ATP9B: variants seen among roughly 807,000 people sequenced by gnomAD.
ATP9B encodes ATPase phospholipid transporting 9B.
ATP9B carries 110 observed loss-of-function variants against 146.1 expected under a neutral mutation model. The observed-to-expected ratio is 0.75, with a 90% confidence interval of 0.65 to 0.88. The LOEUF (loss-of-function observed/expected upper bound fraction) is 0.88, where lower values mean the gene tolerates loss of function less well. ATP9B is among the 40% of genes least tolerant of loss of function. ATP9B has a pLI of 0.00. For missense variants in ATP9B, 1,499 were observed against 1,496.4 expected, an observed-to-expected ratio of 1.00 and a Z score of -0.03; for synonymous variants, 604 against 569.7, an observed-to-expected ratio of 1.06 and a Z score of -0.86.
intron 11 of ATP9B, among the ~76,000 whole-genome samples, chr18:79,226,438 G>A (rs2095735086): frequency 6.6e-6 from 1 of 152,226 alleles, no homozygotes; most frequent in South Asian, 2.1e-4. Context: ...AAAATGTGCA[G>A]GTAGATGTCG....
chr18:79,285,230 C>T (rs1002303836), intron 13 of ATP9B, among the ~76,000 whole-genome samples: 3 of 151,506 alleles, frequency 2.0e-5, no homozygotes, highest in Non-Finnish European at 4.4e-5. Flanking sequence ...AGTTTACAGT[C>T]CCACCAACAG....
At chr18:79,221,382 C>G (rs554015681) in intron 11 of ATP9B, among the ~76,000 whole-genome samples, 11 of 152,294 alleles carry the variant, frequency 7.2e-5, no homozygotes, top group African/African-American at 2.6e-4. Flanking sequence ...AGGACTTGCC[C>G]CATCTCAGCT....
At chr18:79,316,372 CCTG>C (rs2096680125) in intron 15 of ATP9B, among the ~76,000 whole-genome samples, 2 of 152,210 alleles carry the variant, frequency 1.3e-5, no homozygotes, top group Admixed American at 1.3e-4. Flanking sequence ...CCACGTGTCA[CCTG>C]CTGCTGTGGA....
chr18:79,312,106 G>A (rs1187081102), intron 15 of ATP9B, among the ~76,000 whole-genome samples: 1 of 152,096 alleles, frequency 6.6e-6, no homozygotes, highest in Non-Finnish European at 1.5e-5. Flanking sequence ...ACGCGCCTTC[G>A]CCGAGGTGCC....
chr18:79,377,189 A>C (rs1051723930), intron 29 of ATP9B, 58 bp from the exon 30 acceptor site: 1 of 1,599,590 alleles, frequency 6.3e-7, no homozygotes, highest in Non-Finnish European at 8.5e-7. Flanking sequence ...GGCTGTGGCC[A>C]TGAGGGCCCA....
At chr18:79,132,646 T>G (rs1474421892) in intron 5 of ATP9B, among the ~76,000 whole-genome samples, 2 of 152,206 alleles carry the variant, frequency 1.3e-5, no homozygotes, top group African/African-American at 2.4e-5. Flanking sequence ...AGTTTAAAAT[T>G]TACTTTTTTA....
intron 1 of ATP9B, among the ~76,000 whole-genome samples, chr18:79,091,780 C>T (rs767757037): frequency 2.0e-5 from 3 of 152,206 alleles, no homozygotes; most frequent in East Asian, 1.9e-4. Flanking sequence ...TTCTCTTGTC[C>T]GATAGCTCTA....
chr18:79,362,864 A>C (rs2096998421), intron 26 of ATP9B: 1 of 152,218 alleles, frequency 6.6e-6, no homozygotes, highest in Non-Finnish European at 1.5e-5. Context: ...TCTTCATGAA[A>C]TCTCTGGTGC....
At chr18:79,209,413 A>G (rs551639285) in intron 10 of ATP9B, 6 of 152,334 alleles carry the variant, frequency 3.9e-5, no homozygotes, top group Admixed American at 2.0e-4. Flanking sequence ...ATAAACATAT[A>G]TTAAATGTTG....
intron 9 of ATP9B, among the ~76,000 whole-genome samples, chr18:79,199,515 A>G (rs1283178340): frequency 6.6e-6 from 1 of 151,214 alleles, no homozygotes; most frequent in African/African-American, 2.4e-5. Flanking sequence ...TAATCCCAGC[A>G]ATTTGGGAGG....
chr18:79,128,888 T>A (rs1395185470), intron 5 of ATP9B, among the ~76,000 whole-genome samples: 1 of 152,152 alleles, frequency 6.6e-6, no homozygotes, highest in Non-Finnish European at 1.5e-5. Flanking sequence ...CCAGAGAAAG[T>A]CAACCTAGAA....
At chr18:79,282,874 C>A (rs1201088725) in intron 13 of ATP9B, among the ~76,000 whole-genome samples, 1 of 152,156 alleles carries the variant, frequency 6.6e-6, no homozygotes, top group African/African-American at 2.4e-5. Context: ...TCCTTTAACC[C>A]TTCTGAGCAA....
At position 79,143,867 on chromosome 18, in the gene ATP9B, G is replaced by T; in HGVS notation, c.726+7G>T. On this transcript the variant is annotated splice_region_variant and intron_variant, in intron 6 of 29. Coordinates refer to ENST00000426216, the MANE Select transcript of ATP9B (RefSeq NM_198531.5). ...CCTCATCATAGTGGAAAAGGTTGATGATTTTTTAATATATTTTAGACCTAT... is the reference window on the plus strand; with the variant it reads ...CCTCATCATAGTGGAAAAGGTTGATTATTTTTTAATATATTTTAGACCTAT... 2 of 1,552,172 alleles carry T rather than the reference G, an allele frequency of 1.3e-6. No homozygotes were observed. Among genetic ancestry groups the T allele is most frequent in the East Asian group, 2.3e-5 (1 of 43,506 alleles).
At chr18:79,285,734 A>G (rs1355146109) in intron 13 of ATP9B, among the ~76,000 whole-genome samples, 1 of 152,094 alleles carries the variant, frequency 6.6e-6, no homozygotes, top group African/African-American at 2.4e-5. Flanking sequence ...TCTCTTCTAG[A>G]GTTTTTATGG....
intron 10 of ATP9B, among the ~76,000 whole-genome samples, chr18:79,208,174 G>A (rs1461815667): frequency 2.0e-5 from 3 of 152,212 alleles, no homozygotes; most frequent in Non-Finnish European, 4.4e-5. Context: ...GAACCCGGGA[G>A]CCGGAGCTTG....
At chr18:79,155,753 C>CTTTTTTTTTT (rs56002235) in intron 7 of ATP9B, among the ~76,000 whole-genome samples, 1 of 74,048 alleles carries the variant, frequency 1.4e-5, no homozygotes, top group Non-Finnish European at 2.3e-5. Context: ...TGTTTTCTCT[C>CTTTTTTTTTT]TTTTTTTTTT....
At chr18:79,277,367 A>T (rs1023523856) in intron 13 of ATP9B, 171 bp downstream of exon 13, 26 of 699,194 alleles carry the variant, frequency 3.7e-5, no homozygotes, top group Non-Finnish European at 5.3e-5. Context: ...ACTGTCACAC[A>T]GCTTAATCAT....
intron 8 of ATP9B, among the ~76,000 whole-genome samples, chr18:79,180,799 ATT>A (rs144198169): frequency 2.0e-5 from 3 of 146,898 alleles, no homozygotes; most frequent in African/African-American, 5.0e-5. Flanking sequence ...TTCTTTTCTC[ATT>A]TTTTTTTTTG....
At chr18:79,271,331 G>A (rs2096251531) in intron 12 of ATP9B, among the ~76,000 whole-genome samples, 1 of 152,034 alleles carries the variant, frequency 6.6e-6, no homozygotes, top group Non-Finnish European at 1.5e-5. Context: ...TTGGTGTGCT[G>A]CACCCATTAA....
Sources: allele counts gnomAD v4.1 joint callset (sites outside exome capture counted in the v4.1 genomes callset), GRCh38; gene constraint gnomAD v4.1.1; transcripts MANE v1.5; gene names NCBI Gene and HGNC (gene_info 2026-07-23, HGNC 2026-07-21).